ANXA6: variants seen among roughly 807,000 people sequenced by gnomAD.
ANXA6 encodes the protein 67 kDa calelectrin.
ANXA6 carries 71 observed loss-of-function variants against 95.4 expected under a neutral mutation model. The ratio of observed to expected loss-of-function variants is 0.74; its 90% confidence interval spans 0.61 to 0.91. The LOEUF (loss-of-function observed/expected upper bound fraction) is 0.91, where lower values mean the gene tolerates loss of function less well. Ranked by LOEUF, ANXA6 falls within the 40% of genes least tolerant of loss-of-function variation. The pLI is 0.00. For missense variants in ANXA6, 830 were observed against 876.4 expected, an observed-to-expected ratio of 0.95 and a Z score of 0.67; for synonymous variants, 289 against 315.9, an observed-to-expected ratio of 0.91 and a Z score of 0.90.
chr5:151,151,108 A>G (rs1766096692), intron 1 of ANXA6: 1 of 152,198 alleles, frequency 6.6e-6, no homozygotes, highest in South Asian at 2.1e-4. Flanking sequence ...TGCACAGTTC[A>G]TATGTAAAAA....
Position 151,138,665 on chromosome 5 carries a change from C to A in ANXA6, c.318+13G>T. 6.3e-7 allele frequency: 1 copy of A among 1,593,978 alleles called. No homozygotes were observed. Among genetic ancestry groups the A allele is most frequent in the Non-Finnish European group, 8.6e-7 (1 of 1,162,506 alleles). On this transcript the variant is annotated intron_variant, in intron 5 of 25. Coordinates refer to ENST00000354546, the MANE Select transcript of ANXA6 (RefSeq NM_001155.5). ...ATCCCCACCCCAACACCACATACAC[C>A]CCCACTTCTTACCGAGATGGCATCT...
intron 11 of ANXA6, among the ~76,000 whole-genome samples, chr5:151,130,618 C>A (rs1372171498): frequency 6.6e-6 from 1 of 152,222 alleles, no homozygotes; most frequent in East Asian, 1.9e-4. Flanking sequence ...TAGGGCTGAG[C>A]TGCCCAACCT....
chr5:151,131,334 A>C, intron 10 of ANXA6, 45 bp from the exon 11 acceptor site: 1 of 1,596,736 alleles, frequency 6.3e-7, no homozygotes, highest in Non-Finnish European at 8.6e-7. Flanking sequence ...GCTGCCTCAG[A>C]AGGGGGATGG....
At chr5:151,148,450 G>A (rs1345904457) in intron 1 of ANXA6, among the ~76,000 whole-genome samples, 2 of 152,188 alleles carry the variant, frequency 1.3e-5, no homozygotes, top group Non-Finnish European at 2.9e-5. Context: ...TTGACCGCCT[G>A]CAGATAGGAC....
chr5:151,155,962 C>A (rs904427551), intron 1 of ANXA6, among the ~76,000 whole-genome samples: 1 of 152,224 alleles, frequency 6.6e-6, no homozygotes, highest in African/African-American at 2.4e-5. Context: ...CAGTCTCCCC[C>A]ACTTCATCCC....
At chr5:151,105,401 G>A (rs1206446574) in intron 23 of ANXA6, 98 bp from the exon 24 acceptor site, 3 of 1,008,558 alleles carry the variant, frequency 3.0e-6, no homozygotes, top group Middle Eastern at 2.1e-4. Flanking sequence ...GTCTATCCCT[G>A]CATGGGTCTG....
At chr5:151,108,882 C>T (rs1185014624) in intron 22 of ANXA6, among the ~76,000 whole-genome samples, 1 of 152,222 alleles carries the variant, frequency 6.6e-6, no homozygotes, top group Non-Finnish European at 1.5e-5. Context: ...CCCCAGCTCA[C>T]TGAGGGACCT....
chr5:151,127,251 T>C (rs1484390911), intron 13 of ANXA6, among the ~76,000 whole-genome samples: 1 of 152,230 alleles, frequency 6.6e-6, no homozygotes, highest in African/African-American at 2.4e-5. Context: ...TCAACCCCTA[T>C]GGTCCTTACC....
At position 151,117,772 on chromosome 5, in the gene ANXA6, T is replaced by C. The variant is rs1392048734; in HGVS notation, c.1504A>G (p.Ile502Val). The change falls in exon 19 of 26, where the codon ATT becomes GTT. Residue 502 changes from isoleucine to valine, a missense_variant. Ile to Val is a conservative substitution (Grantham distance 29). Transcript: ENST00000354546. ...AATTCACTCACCGTGGCCAGAGAAA[T>C]GAGGATCCTCCTGAAGTGGCCAGAT... ...DTSGHFRRILISLATGHREEG... is the reference protein window; with the variant it reads ...DTSGHFRRILVSLATGHREEG... 16 of 1,613,590 alleles carry C rather than the reference T, an allele frequency of 9.9e-6. No homozygotes were observed. The highest frequency in any genetic ancestry group is 1.3e-5 in the Non-Finnish European group (15 of 1,179,758).
intron 23 of ANXA6, among the ~76,000 whole-genome samples, chr5:151,108,163 G>A (rs1296801163): frequency 3.3e-5 from 5 of 151,668 alleles, no homozygotes; most frequent in South Asian, 2.1e-4. Flanking sequence ...TGTGTGTGTG[G>A]TGTGTGTGTG....
chr5:151,138,260 C>T (rs991905057), intron 5 of ANXA6, among the ~76,000 whole-genome samples: 10 of 152,320 alleles, frequency 6.6e-5, no homozygotes, highest in African/African-American at 2.4e-4. Context: ...GCCATTTTTA[C>T]ACCCTGCAAT....
At chr5:151,110,555 C>T in intron 21 of ANXA6, 72 bp downstream of exon 21, 1 of 1,528,848 alleles carries the variant, frequency 6.5e-7, no homozygotes, top group South Asian at 1.1e-5. Context: ...CTCGATACTG[C>T]CCCGCTCGGC....
intron 2 of ANXA6, among the ~76,000 whole-genome samples, chr5:151,142,595 G>A (rs576258554): frequency 2.9e-4 from 44 of 152,334 alleles, no homozygotes; most frequent in African/African-American, 1.1e-3. Flanking sequence ...CATGGAGAAT[G>A]GAGACTGTCG....
At chr5:151,134,627 C>A in intron 7 of ANXA6, 144 bp from the exon 8 acceptor site, 1 of 799,632 alleles carries the variant, frequency 1.3e-6, no homozygotes, top group Admixed American at 1.8e-5. Context: ...TGCATGAAGA[C>A]CACAGTATCT....
chr5:151,139,481 A>C (rs772290721), intron 3 of ANXA6, 34 bp from the exon 4 acceptor site: 2 of 1,549,982 alleles, frequency 1.3e-6, no homozygotes, highest in Non-Finnish European at 8.9e-7. Flanking sequence ...CATCCTACCC[A>C]CCCTGCCTCC....
intron 2 of ANXA6, among the ~76,000 whole-genome samples, chr5:151,146,379 C>T (rs113537392): frequency 0.012 from 1,872 of 152,336 alleles, 40 homozygotes; most frequent in African/African-American, 0.043. Context: ...AGAGAGGCCA[C>T]TTGTACACAC....
At chr5:151,134,357 A>C in intron 8 of ANXA6, 70 bp downstream of exon 8, 2 of 1,519,862 alleles carry the variant, frequency 1.3e-6, no homozygotes, top group Non-Finnish European at 1.8e-6. Context: ...AGCCCTTCCC[A>C]GGGCCCCAAC....
chr5:151,148,911 A>G (rs565844984), intron 1 of ANXA6, among the ~76,000 whole-genome samples: 1 of 152,194 alleles, frequency 6.6e-6, no homozygotes, highest in East Asian at 1.9e-4. Flanking sequence ...GTGGTAGCTC[A>G]TGCCTATAAT....
At position 151,122,898 on chromosome 5, in the gene ANXA6, C is replaced by A; in HGVS notation, c.1233+19G>T. On this transcript the variant is annotated intron_variant, in intron 16 of 25. Coordinates refer to ENST00000354546, the MANE Select transcript of ANXA6 (RefSeq NM_001155.5). ...AGGTGCATGCATGTTGCACAGAGAGCCCAGGAGGAGGTCCTTACCCGGCCA... is the reference window on the plus strand; with the variant it reads ...AGGTGCATGCATGTTGCACAGAGAGACCAGGAGGAGGTCCTTACCCGGCCA... 1 of 1,610,334 alleles carries A rather than the reference C, an allele frequency of 6.2e-7. No homozygotes were observed. Among genetic ancestry groups the A allele is most frequent in the Non-Finnish European group, 8.5e-7 (1 of 1,176,838 alleles).
Sources: gnomAD v4.1 joint callset for allele counts (sites outside exome capture counted in the v4.1 genomes callset) on GRCh38, gnomAD v4.1.1 for gene constraint, MANE v1.5 for transcripts, NCBI Gene and HGNC (gene_info 2026-07-23, HGNC 2026-07-21) for gene names.